The following SNTG1 variants were observed in gnomAD, a reference collection of about 807,000 sequenced individuals.
SNTG1 encodes gamma-1-syntrophin.
In SNTG1, 39 loss-of-function variants were observed where a neutral mutation model predicts 74.7. The ratio of observed to expected loss-of-function variants is 0.52; its 90% CI spans 0.40 to 0.68. The LOEUF (loss-of-function observed/expected upper bound fraction) is 0.68, where lower values mean the gene tolerates loss of function less well. SNTG1 is among the 30% of genes least tolerant of loss of function. The probability of loss-of-function intolerance (pLI) is 0.00; values close to 1 mark genes in which losing one functional copy is unlikely to be tolerated. For missense variants in SNTG1, 685 were observed against 609.5 expected (o/e 1.12, Z -1.30); for synonymous variants, 254 against 217.1 (o/e 1.17, Z -1.49).
At chr8:50,152,312 A>G (rs2082096648) in intron 1 of SNTG1, among the ~76,000 whole-genome samples, 1 of 152,166 alleles carries the variant, frequency 6.6e-6, no homozygotes, top group Non-Finnish European at 1.5e-5. Flanking sequence ...TCTGCACATG[A>G]GATGGGTCTC....
intron 2 of SNTG1, among the ~76,000 whole-genome samples, chr8:50,384,521 T>C (rs2131252999): frequency 6.6e-6 from 1 of 152,270 alleles, no homozygotes; most frequent in East Asian, 1.9e-4. Flanking sequence ...AAACCTGCCA[T>C]CAGGTACCTG....
At chr8:50,577,952 C>T (rs2094586436) in intron 12 of SNTG1, among the ~76,000 whole-genome samples, 1 of 152,090 alleles carries the variant, frequency 6.6e-6, no homozygotes, top group Non-Finnish European at 1.5e-5. Context: ...GCACCAAGAG[C>T]ACAGAAAGAG....
chr8:50,360,781 A>G (rs988147650), intron 2 of SNTG1, among the ~76,000 whole-genome samples: 1 of 152,136 alleles, frequency 6.6e-6, no homozygotes, highest in African/African-American at 2.4e-5. Context: ...TGGTACACCT[A>G]TATAGAGCAC....
chr8:50,497,507 G>A (rs1193350601), intron 8 of SNTG1, among the ~76,000 whole-genome samples: 1 of 151,636 alleles, frequency 6.6e-6, no homozygotes, highest in African/African-American at 2.4e-5. Context: ...ATATATAGAG[G>A]TTATAATATA....
intron 15 of SNTG1, among the ~76,000 whole-genome samples, chr8:50,669,612 A>G (rs2095268843): frequency 6.6e-6 from 1 of 152,212 alleles, no homozygotes; most frequent in Admixed American, 6.6e-5. Flanking sequence ...TACCAGAGAT[A>G]CAAGGAGGAA....
chr8:50,694,317 C>T (rs12677948), intron 15 of SNTG1, among the ~76,000 whole-genome samples: 16,026 of 151,414 alleles, frequency 0.11, 2,387 homozygotes, highest in African/African-American at 0.33. Context: ...AAAGTATATG[C>T]CAAAAAATTG....
intron 2 of SNTG1, among the ~76,000 whole-genome samples, chr8:50,303,849 C>G (rs2089759563): frequency 6.6e-6 from 1 of 152,158 alleles, no homozygotes; most frequent in South Asian, 2.1e-4. Context: ...ATTAACAACT[C>G]CATTTGATGT....
chr8:49,953,340 T>A (rs879261009), intron 1 of SNTG1, among the ~76,000 whole-genome samples: 2 of 152,182 alleles, frequency 1.3e-5, no homozygotes, highest in South Asian at 4.1e-4. Context: ...GAGAGGACCC[T>A]TGGGGGGAAA....
chr8:50,436,476 A>T (rs760727725), intron 4 of SNTG1, among the ~76,000 whole-genome samples: 2 of 152,010 alleles, frequency 1.3e-5, no homozygotes, highest in Non-Finnish European at 2.9e-5. Flanking sequence ...TGTGTGTGTA[A>T]ATACTAAATT....
intron 9 of SNTG1, among the ~76,000 whole-genome samples, chr8:50,511,005 G>A (rs966657886): frequency 4.6e-5 from 7 of 152,112 alleles, no homozygotes; most frequent in Non-Finnish European, 7.4e-5. Flanking sequence ...TAACTGTGAT[G>A]TTAGGGTGTC....
intron 5 of SNTG1, 34 bp downstream of exon 5, chr8:50,438,633 C>CCT (rs769309185): frequency 7.1e-6 from 11 of 1,559,310 alleles, no homozygotes; most frequent in Non-Finnish European, 9.7e-6. Flanking sequence ...CTTACAAAGG[C>CCT]CATGCCATAA....
At chr8:50,692,626 AGTACCT>A (rs564719211) in intron 15 of SNTG1, among the ~76,000 whole-genome samples, 109 of 152,212 alleles carry the variant, frequency 7.2e-4, no homozygotes, top group African/African-American at 2.6e-3. Context: ...GTCTCAGAGG[AGTACCT>A]GGCCATGTGA....
At chr8:50,302,058 T>A (rs1002836219) in intron 2 of SNTG1, among the ~76,000 whole-genome samples, 1 of 152,164 alleles carries the variant, frequency 6.6e-6, no homozygotes, top group Non-Finnish European at 1.5e-5. Flanking sequence ...AGTTTCACCA[T>A]GTTGGTCAGG....
At chr8:49,910,615 C>T (rs1475405978), upstream of SNTG1, among the ~76,000 whole-genome samples, 6 of 152,160 alleles carry the variant, frequency 3.9e-5, no homozygotes, top group Non-Finnish European at 8.8e-5. Context: ...CGGGACCACG[C>T]ACCCATACCC....
chr8:50,000,881 A>G (rs986825807), intron 1 of SNTG1, among the ~76,000 whole-genome samples: 7 of 152,232 alleles, frequency 4.6e-5, no homozygotes, highest in Non-Finnish European at 8.8e-5. Flanking sequence ...CTGTTTCACC[A>G]TATCTGAACT....
intron 1 of SNTG1, among the ~76,000 whole-genome samples, chr8:49,944,064 A>T (rs1808936188): frequency 6.6e-6 from 1 of 152,204 alleles, no homozygotes; most frequent in Non-Finnish European, 1.5e-5. Context: ...ATTTTAAAAA[A>T]TATGTTTAAA....
chr8:50,727,997 T>G (rs2131611163), intron 17 of SNTG1, among the ~76,000 whole-genome samples: 1 of 152,272 alleles, frequency 6.6e-6, no homozygotes, highest in South Asian at 2.1e-4. Context: ...GCACCGTGGC[T>G]TATGGCCTCC....
chr8:50,568,698 T>C (rs1204200282), intron 12 of SNTG1, among the ~76,000 whole-genome samples: 1 of 152,192 alleles, frequency 6.6e-6, no homozygotes, highest in Non-Finnish European at 1.5e-5. Flanking sequence ...AGTTGAGTTA[T>C]GTTCCTTGAA....
chr8:50,493,023 C>A (rs1350330130), intron 8 of SNTG1, among the ~76,000 whole-genome samples: 1 of 152,136 alleles, frequency 6.6e-6, no homozygotes, highest in African/African-American at 2.4e-5. Flanking sequence ...CATCTACAGG[C>A]ATCTGATCTT....
Sources: gnomAD v4.1 joint callset for allele counts (sites outside exome capture counted in the v4.1 genomes callset) on GRCh38, gnomAD v4.1.1 for gene constraint, MANE v1.5 for transcripts, NCBI Gene and HGNC (gene_info 2026-07-23, HGNC 2026-07-21) for gene names.